The following EYA1 variants were observed in gnomAD, a reference collection of about 807,000 sequenced individuals.
The protein encoded by EYA1 is EYA transcriptional coactivator and phosphatase 1, also known as protein phosphatase EYA1.
EYA1 carries 16 observed loss-of-function variants against 82.0 expected under a neutral mutation model. The ratio of observed to expected loss-of-function variants is 0.20; its 90% CI spans 0.13 to 0.30. The LOEUF (loss-of-function observed/expected upper bound fraction) is 0.30. EYA1 is among the 10% of genes least tolerant of loss of function. EYA1 has a pLI of 1.00. For missense variants in EYA1, 633 were observed against 730.7 expected, an observed-to-expected ratio of 0.87 and a Z score of 1.54; for synonymous variants, 261 against 264.4, an observed-to-expected ratio of 0.99 and a Z score of 0.12.
intron 2 of EYA1, among the ~76,000 whole-genome samples, chr8:71,457,797 TG>T (rs1345985630): frequency 1.3e-5 from 2 of 152,176 alleles, no homozygotes; most frequent in Admixed American, 6.5e-5. Context: ...GATGAGTTAA[TG>T]GGTGCAGCAC....
chr8:71,518,933 C>CT (rs1171132844), intron 2 of EYA1, among the ~76,000 whole-genome samples: 4 of 152,028 alleles, frequency 2.6e-5, no homozygotes, highest in Non-Finnish European at 5.9e-5. Flanking sequence ...TTATTGAACC[C>CT]TTTTTTCCTA....
At chr8:71,351,985 A>G (rs750602700) in intron 3 of EYA1, among the ~76,000 whole-genome samples, 4 of 152,244 alleles carry the variant, frequency 2.6e-5, no homozygotes, top group Admixed American at 6.5e-5. Flanking sequence ...GGCTGAGATG[A>G]TTTTCAATTG....
intron 9 of EYA1, among the ~76,000 whole-genome samples, chr8:71,293,484 T>C (rs1050995948): frequency 6.6e-5 from 10 of 152,100 alleles, no homozygotes; most frequent in African/African-American, 2.4e-4. Context: ...CATTACAAGA[T>C]ATGAAAACTA....
At chr8:71,409,846 A>C (rs959702445) in intron 2 of EYA1, among the ~76,000 whole-genome samples, 25 of 136,138 alleles carry the variant, frequency 1.8e-4, no homozygotes, top group Non-Finnish European at 1.9e-4. Flanking sequence ...TCAATGGAAA[A>C]AGAGGGAATC....
At chr8:71,350,747 C>T (rs1202600357) in intron 3 of EYA1, among the ~76,000 whole-genome samples, 1 of 152,126 alleles carries the variant, frequency 6.6e-6, no homozygotes, top group Non-Finnish European at 1.5e-5. Flanking sequence ...GCCTTCCTCA[C>T]TCCTTACTCC....
At chr8:71,434,690 TATTGATAGTTAGGGATAAATAA>T (rs1159230420) in intron 2 of EYA1, among the ~76,000 whole-genome samples, 1 of 152,184 alleles carries the variant, frequency 6.6e-6, no homozygotes, top group Non-Finnish European at 1.5e-5. Context: ...GTGAATTGTT[TATTGATAGTTAGGGATAAATAA>T]ATTGATAGTT....
chr8:71,462,763 G>C (rs963060159), intron 2 of EYA1, among the ~76,000 whole-genome samples: 1 of 152,180 alleles, frequency 6.6e-6, no homozygotes, highest in Non-Finnish European at 1.5e-5. Flanking sequence ...CTAGGGGCAG[G>C]TCCTGCCCAG....
chr8:71,395,886 A>T (rs1829575945), intron 2 of EYA1, among the ~76,000 whole-genome samples: 1 of 152,012 alleles, frequency 6.6e-6, no homozygotes. Flanking sequence ...CTGTTTGTAC[A>T]TGTGGTAGAA....
At chr8:71,366,870 AG>A (rs1563540382), upstream of EYA1, among the ~76,000 whole-genome samples, 2 of 152,226 alleles carry the variant, frequency 1.3e-5, no homozygotes. Context: ...GCAAGGTGAT[AG>A]CCCATAAAGT....
At chr8:71,456,531 A>T (rs1807932706) in intron 2 of EYA1, among the ~76,000 whole-genome samples, 1 of 152,280 alleles carries the variant, frequency 6.6e-6, no homozygotes, top group African/African-American at 2.4e-5. Flanking sequence ...AGTAACCAAA[A>T]CAGCATGCTA....
At chr8:71,305,602 T>C (rs886300299) in intron 7 of EYA1, among the ~76,000 whole-genome samples, 1 of 152,070 alleles carries the variant, frequency 6.6e-6, no homozygotes, top group Admixed American at 6.6e-5. Flanking sequence ...GCCGAGATCA[T>C]GCTATTGCGC....
intron 2 of EYA1, among the ~76,000 whole-genome samples, chr8:71,382,261 A>T (rs1828746050): frequency 6.6e-6 from 1 of 152,204 alleles, no homozygotes; most frequent in Non-Finnish European, 1.5e-5. Flanking sequence ...TACTGAATTG[A>T]AGTAGTACTT....
chr8:71,514,788 C>T (rs746102166), intron 2 of EYA1, among the ~76,000 whole-genome samples: 16 of 152,098 alleles, frequency 1.1e-4, no homozygotes, highest in East Asian at 1.9e-4. Flanking sequence ...GGTGGGTACA[C>T]GGCCAAACCA....
chr8:71,383,039 G>T (rs576046521), intron 2 of EYA1, among the ~76,000 whole-genome samples: 39 of 151,246 alleles, frequency 2.6e-4, no homozygotes, highest in South Asian at 1.5e-3. Flanking sequence ...TTCTTCTGTG[G>T]AACAGTTACA....
At chr8:71,285,569 A>G (rs1818279882) in intron 9 of EYA1, among the ~76,000 whole-genome samples, 1 of 152,270 alleles carries the variant, frequency 6.6e-6, no homozygotes, top group African/African-American at 2.4e-5. Flanking sequence ...CTGCCTATTC[A>G]TTATACAAGT....
chr8:71,474,722 G>T (rs1373224898), intron 2 of EYA1, among the ~76,000 whole-genome samples: 1 of 152,074 alleles, frequency 6.6e-6, no homozygotes, highest in Non-Finnish European at 1.5e-5. Context: ...GATATATAAA[G>T]ATTATTTATA....
intron 2 of EYA1, among the ~76,000 whole-genome samples, chr8:71,355,822 C>T (rs1192935197): frequency 2.0e-5 from 3 of 152,188 alleles, no homozygotes; most frequent in African/African-American, 7.2e-5. Flanking sequence ...AATTTCAGAA[C>T]TATACATTTA....
At chr8:71,500,356 AGCTATTATT>A (rs1811724342) in intron 2 of EYA1, among the ~76,000 whole-genome samples, 1 of 152,182 alleles carries the variant, frequency 6.6e-6, no homozygotes, top group Non-Finnish European at 1.5e-5. Flanking sequence ...TGGTGTCCGA[AGCTATTATT>A]GCTAATGGTT....
At chr8:71,541,736 A>G (rs1239887324) in intron 1 of EYA1, among the ~76,000 whole-genome samples, 1 of 152,208 alleles carries the variant, frequency 6.6e-6, no homozygotes, top group Non-Finnish European at 1.5e-5. Context: ...AATTCAGGCA[A>G]TCAAAAGAAA....
Sources: gnomAD v4.1 joint callset for allele counts (sites outside exome capture counted in the v4.1 genomes callset) on GRCh38, gnomAD v4.1.1 for gene constraint, MANE v1.5 for transcripts, NCBI Gene and HGNC (gene_info 2026-07-23, HGNC 2026-07-21) for gene names.